Variants in PDLIM7 observed in about 807,000 individuals in gnomAD.
PDLIM7 encodes PDZ and LIM domain 7.
A neutral mutation model predicts 53.9 loss-of-function variants in PDLIM7; 37 were observed. The ratio of observed to expected loss-of-function variants is 0.69; its 90% CI spans 0.53 to 0.90. The LOEUF (loss-of-function observed/expected upper bound fraction) is 0.90. Among genes scored for constraint, PDLIM7 ranks in the 40% least tolerant of loss-of-function variants. The probability of loss-of-function intolerance (pLI) is 0.00; values close to 1 mark genes in which losing one functional copy is unlikely to be tolerated. For missense variants in PDLIM7, 617 were observed against 638.5 expected, an observed-to-expected ratio of 0.97 and a Z score of 0.36; for synonymous variants, 300 against 261.3, an observed-to-expected ratio of 1.15 and a Z score of -1.43.
rs922819388 is a variant in PDLIM7, at chr5:177,491,850, A to C, written c.355T>G (p.Phe119Val). Reference sequence around the variant, plus strand: ...CTGTCAGCGGGCGGGGGCGCCCCAAAGGGCCGGGCCGTCTTGTTGAGGGAG... The same window carrying C: ...CTGTCAGCGGGCGGGGGCGCCCCAACGGGCCGGGCCGTCTTGTTGAGGGAG... ...SVSLNKTARP[F>V]GAPPPADSAP... Residue 119 changes from phenylalanine (F) to valine (V), a missense_variant, in exon 5 of 13, where the codon TTT becomes GTT. Coordinates refer to ENST00000355841, the MANE Select transcript of PDLIM7 (RefSeq NM_005451.5). 1.6e-6 allele frequency: 2 copies of C among 1,266,556 alleles called. No individual in the cohort carries two copies. Among genetic ancestry groups the C allele is most frequent in the Non-Finnish European group, 2.0e-6 (2 of 1,002,636 alleles). The allele number at this position is 1,266,556 out of a possible 1,614,324, so 78.5% of individuals were successfully genotyped here. A position where few individuals can be genotyped will look rare whatever the true frequency, so the allele number is the denominator to read the frequency against.
rs753455954 is a variant in PDLIM7, at chr5:177,490,975, G to A, written c.535+35C>T. The A allele has an allele frequency of 5.0e-6, 8 of 1,613,724 alleles. No individual in the cohort carries two copies. In the African/African-American group the frequency reaches 6.7e-5, roughly 13 times the overall value. Reference sequence around the variant, plus strand: ...CAGGGATCACGCCTGGGCTGGGGGCGAGGAAAGTACCCCCTGCCCTGGGCT... The same window carrying A: ...CAGGGATCACGCCTGGGCTGGGGGCAAGGAAAGTACCCCCTGCCCTGGGCT... On this transcript the variant is annotated intron_variant, in intron 6 of 12. Transcript: ENST00000355841.
intron 2 of PDLIM7, chr5:177,495,230 G>A (rs1019545541): frequency 6.6e-6 from 1 of 152,468 alleles, no homozygotes; most frequent in Admixed American, 6.5e-5. Context: ...GCAGGTTCCA[G>A]GAGAATGCCA....
chr5:177,488,107 A>G lies in PDLIM7; in HGVS notation c.1011T>C (p.Tyr337=), dbSNP rs1758554356. 3 of 1,611,784 alleles carry G rather than the reference A, an allele frequency of 1.9e-6. No individual in the cohort carries two copies. The highest frequency in any genetic ancestry group is 2.5e-6 in the Non-Finnish European group (3 of 1,179,266). Residue 337 remains tyrosine, a synonymous_variant, in exon 10 of 13, where the codon TAT becomes TAC. Transcript: ENST00000355841. The part of the protein sequence containing the change: ...IFCPPCYDVR[Y]APSCAKCKKK... ...TCTTGCACTTGGCACAGCTGGGTGCATAGCGCACGTCATAGCATGGTGGGC... is the reference window on the plus strand; with the variant it reads ...TCTTGCACTTGGCACAGCTGGGTGCGTAGCGCACGTCATAGCATGGTGGGC...
chr5:177,491,651 G>C (rs942978295), intron 5 of PDLIM7, 156 bp downstream of exon 5: 13 of 613,282 alleles, frequency 2.1e-5, no homozygotes, highest in Admixed American at 9.5e-5. Context: ...CCTCGGGAGG[G>C]GCCCTGTGCC....
intron 5 of PDLIM7, 59 bp downstream of exon 5, chr5:177,491,748 G>A (rs1758798090): frequency 4.8e-6 from 4 of 827,652 alleles, no homozygotes; most frequent in East Asian, 3.4e-5. Flanking sequence ...AGCGGGCAGC[G>A]GGCGTGGGGC....
chr5:177,490,501 G>C (rs746536110), intron 7 of PDLIM7: 3 of 1,557,400 alleles, frequency 1.9e-6, no homozygotes, highest in African/African-American at 2.7e-5. Flanking sequence ...GCCGGGCTAC[G>C]ACTGCACGTT....
At chr5:177,491,738 A>G in intron 5 of PDLIM7, 69 bp downstream of exon 5, 1 of 768,054 alleles carries the variant, frequency 1.3e-6, no homozygotes, top group Non-Finnish European at 1.8e-6. Flanking sequence ...ACTGAGCAGC[A>G]GCGGGCAGCG....
intron 9 of PDLIM7, among the ~76,000 whole-genome samples, chr5:177,488,537 C>T (rs1385223257): frequency 6.6e-6 from 1 of 152,210 alleles, no homozygotes; most frequent in Non-Finnish European, 1.5e-5. Context: ...TGAGCCGCCC[C>T]TGGGCAAACC....
At chr5:177,491,785 G>T in intron 5 of PDLIM7, 22 bp downstream of exon 5, 10 of 1,143,450 alleles carry the variant, frequency 8.7e-6, no homozygotes, top group Non-Finnish European at 1.1e-5. Context: ...GCGTGGGCGC[G>T]GGCGGGCAGG....
chr5:177,490,278 C>T (rs1326084807), intron 7 of PDLIM7: 2 of 1,443,396 alleles, frequency 1.4e-6, no homozygotes, highest in Non-Finnish European at 1.8e-6. Flanking sequence ...ATGCCCAAGG[C>T]AGCACAGACC....
At chr5:177,490,437 C>T (rs2127412662) in intron 7 of PDLIM7, 1 of 1,529,788 alleles carries the variant, frequency 6.5e-7, no homozygotes, top group South Asian at 1.2e-5. Flanking sequence ...AAGGGGGTGC[C>T]CTGGGCAGGA....
At position 177,488,291 on chromosome 5, in the gene PDLIM7, G is replaced by A; in HGVS notation, c.870-43C>T. On this transcript the variant is annotated intron_variant, in intron 9 of 12. Transcript: ENST00000355841. Reference sequence around the variant, plus strand: ...CGGTCAGAGGGAGCACACGCAGAGAGGTGGGGGTCTTGGCCCCCTTCAGGT... The same window carrying A: ...CGGTCAGAGGGAGCACACGCAGAGAAGTGGGGGTCTTGGCCCCCTTCAGGT... The A allele has an allele frequency of 2.0e-6, 3 of 1,527,450 alleles. No homozygotes were observed. In the East Asian group the frequency reaches 6.9e-5, roughly 35 times the overall value. The allele number at this position is 1,527,450 out of a possible 1,614,324, so 94.6% of individuals were successfully genotyped here. A position where few individuals can be genotyped will look rare whatever the true frequency, so the allele number is the denominator to read the frequency against.
At chr5:177,496,142 C>T (rs566774201) in intron 2 of PDLIM7, among the ~76,000 whole-genome samples, 1 of 152,320 alleles carries the variant, frequency 6.6e-6, no homozygotes, top group Admixed American at 6.5e-5. Flanking sequence ...CCATCCTGCA[C>T]AATGAGCCTC....
intron 5 of PDLIM7, 147 bp downstream of exon 5, chr5:177,491,660 C>T: frequency 1.6e-6 from 1 of 614,310 alleles, no homozygotes; most frequent in South Asian, 2.2e-5. Flanking sequence ...GGGCCCTGTG[C>T]CTGCAGCCCC....
chr5:177,494,282 C>A (rs1014534670), intron 2 of PDLIM7, among the ~76,000 whole-genome samples: 2 of 152,206 alleles, frequency 1.3e-5, no homozygotes, highest in Non-Finnish European at 2.9e-5. Flanking sequence ...CACTGTGGGC[C>A]ACCTCTGCTG....
intron 2 of PDLIM7, among the ~76,000 whole-genome samples, chr5:177,494,676 G>A (rs145565113): frequency 0.017 from 2,531 of 152,264 alleles, 29 homozygotes; most frequent in Non-Finnish European, 0.026. Context: ...AGCGCTGGGC[G>A]GGTGGCTGGA....
intron 2 of PDLIM7, 64 bp downstream of exon 2, chr5:177,496,352 CA>C: frequency 8.1e-7 from 1 of 1,238,426 alleles, no homozygotes; most frequent in Non-Finnish European, 1.1e-6. Context: ...CTCCCCCCAT[CA>C]CCCTCTGGAG....
intron 2 of PDLIM7, among the ~76,000 whole-genome samples, chr5:177,495,972 T>TC (rs1156563359): frequency 6.6e-6 from 1 of 151,962 alleles, no homozygotes; most frequent in African/African-American, 2.4e-5. Flanking sequence ...CCGCCACCTC[T>TC]CCATGAGTTC....
chr5:177,490,522 G>A, intron 7 of PDLIM7: 1 of 1,564,034 alleles, frequency 6.4e-7, no homozygotes, highest in East Asian at 2.4e-5. Context: ...GAGCACGTGG[G>A]CAGAGCGCTG....
Sources: gnomAD v4.1 joint callset for allele counts (sites outside exome capture counted in the v4.1 genomes callset) on GRCh38, gnomAD v4.1.1 for gene constraint, MANE v1.5 for transcripts, NCBI Gene and HGNC (gene_info 2026-07-23, HGNC 2026-07-21) for gene names.